WDFY4: variants seen among roughly 807,000 people sequenced by gnomAD.
WDFY4 encodes WD repeat- and FYVE domain-containing protein 4.
Under a neutral mutation model 351.9 loss-of-function variants are expected in WDFY4, and 169 were observed. The ratio of observed to expected loss-of-function variants is 0.48; its 90% CI spans 0.42 to 0.55. WDFY4 has a LOEUF of 0.55. Ranked by LOEUF, WDFY4 falls within the 20% of genes least tolerant of loss-of-function variation. The pLI, the probability that WDFY4 is intolerant of heterozygous loss-of-function variation, is 0.00. For missense variants in WDFY4, 3,803 were observed against 3,935.6 expected (o/e 0.97, Z 0.90); for synonymous variants, 1,622 against 1,574.6 (o/e 1.03, Z -0.71).
chr10:48,734,297 A>G (rs1292499130), intron 10 of WDFY4, among the ~76,000 whole-genome samples: 2 of 152,198 alleles, frequency 1.3e-5, no homozygotes, highest in East Asian at 3.8e-4. Context: ...CATTTTCTAA[A>G]TTTATGAGAA....
intron 47 of WDFY4, among the ~76,000 whole-genome samples, chr10:48,924,429 A>T (rs527684656): frequency 6.6e-6 from 1 of 152,250 alleles, no homozygotes; most frequent in East Asian, 1.9e-4. Context: ...AGTGGGATCA[A>T]CCCACACAAG....
In WDFY4 at chr10:48,946,847, G is replaced by A; in HGVS notation, c.7868-13G>A. 1 of 1,549,418 alleles carries A rather than the reference G, an allele frequency of 6.5e-7. No homozygotes were observed. The highest frequency in any genetic ancestry group is 8.7e-7 in the Non-Finnish European group (1 of 1,144,816). ...GTAAGGAAGCAGCCCTCAAGCATGT[G>A]TTTTTGTTGCAGGAGACATGACTGT... On this transcript the variant is annotated splice_polypyrimidine_tract_variant and intron_variant, in intron 50 of 61. Coordinates refer to ENST00000325239, the MANE Select transcript of WDFY4 (RefSeq NM_001394531.1).
intron 40 of WDFY4, among the ~76,000 whole-genome samples, chr10:48,873,265 A>G (rs1178041123): frequency 6.6e-6 from 1 of 152,224 alleles, no homozygotes; most frequent in Non-Finnish European, 1.5e-5. Context: ...AGGGCAGACA[A>G]CTTTCTCCTC....
At chr10:48,952,336 A>G (rs1455723209) in intron 51 of WDFY4, among the ~76,000 whole-genome samples, 1 of 152,202 alleles carries the variant, frequency 6.6e-6, no homozygotes, top group South Asian at 2.1e-4. Flanking sequence ...GTGGGGCTAG[A>G]CATAGAAACT....
In WDFY4 at chr10:48,941,316, A is replaced by G. The variant is rs531526986; in HGVS notation, c.7587-490A>G. Among the ~76,000 whole-genome samples the G allele has an allele frequency of 7.0e-4, 106 of 152,376 alleles. No homozygotes were observed. In the South Asian group the frequency reaches 0.022, roughly 31 times the overall value. On this transcript the variant is annotated intron_variant, in intron 47 of 61. Transcript: ENST00000325239. ...AAAAAAACTATGTAGGCATATAGGC[A>G]GGCATATGGGTAAAACATTTTCTGG...
intron 43 of WDFY4, among the ~76,000 whole-genome samples, chr10:48,877,810 G>A (rs1281923855): frequency 6.6e-6 from 1 of 152,224 alleles, no homozygotes; most frequent in East Asian, 1.9e-4. Context: ...CTGGAGCTGG[G>A]TTGGCGGAGC....
chr10:48,950,014 C>T (rs1039196381), intron 51 of WDFY4, among the ~76,000 whole-genome samples: 5 of 152,166 alleles, frequency 3.3e-5, no homozygotes, highest in Non-Finnish European at 7.4e-5. Flanking sequence ...GTTATTTAAA[C>T]TATTTTATAC....
At chr10:48,971,419 C>G (rs1842331021) in intron 57 of WDFY4, among the ~76,000 whole-genome samples, 1 of 151,898 alleles carries the variant, frequency 6.6e-6, no homozygotes, top group Non-Finnish European at 1.5e-5. Context: ...TGGCGTGAAC[C>G]CGGGAGGCGG....
chr10:48,698,348 GCT>G (rs2063387205), intron 1 of WDFY4, among the ~76,000 whole-genome samples: 1 of 152,200 alleles, frequency 6.6e-6, no homozygotes, highest in Non-Finnish European at 1.5e-5. Context: ...AGGGCTTGAA[GCT>G]TGTGGCTGTG....
At chr10:48,884,745 C>A (rs2070389659) in intron 43 of WDFY4, among the ~76,000 whole-genome samples, 1 of 152,134 alleles carries the variant, frequency 6.6e-6, no homozygotes, top group African/African-American at 2.4e-5. Context: ...CTTTGTAACT[C>A]CTAACTCCAG....
intron 13 of WDFY4, among the ~76,000 whole-genome samples, chr10:48,772,012 A>C (rs1258038603): frequency 6.6e-6 from 1 of 152,192 alleles, no homozygotes; most frequent in African/African-American, 2.4e-5. Flanking sequence ...TCTAGAACTC[A>C]TTTACATGGC....
intron 42 of WDFY4, among the ~76,000 whole-genome samples, chr10:48,875,407 C>T (rs1179116906): frequency 6.6e-6 from 1 of 152,174 alleles, no homozygotes; most frequent in Non-Finnish European, 1.5e-5. Flanking sequence ...TCAGGGAGAT[C>T]TTAAAAGTAT....
At chr10:48,904,518 G>T (rs577986406) in intron 47 of WDFY4, among the ~76,000 whole-genome samples, 3 of 152,096 alleles carry the variant, frequency 2.0e-5, no homozygotes, top group Non-Finnish European at 4.4e-5. Context: ...TGGCTGGACC[G>T]CTAGGCACAA....
At chr10:48,707,389 C>G (rs2063658899) in intron 1 of WDFY4, among the ~76,000 whole-genome samples, 1 of 152,166 alleles carries the variant, frequency 6.6e-6, no homozygotes, top group Non-Finnish European at 1.5e-5. Context: ...AGCAGTCATA[C>G]TCCCTTGATT....
chr10:48,690,209 A>G (rs1440588059), intron 1 of WDFY4, among the ~76,000 whole-genome samples: 1 of 152,226 alleles, frequency 6.6e-6, no homozygotes, highest in East Asian at 1.9e-4. Flanking sequence ...GCATCCAGTT[A>G]TTACAGAGTG....
chr10:48,912,300 C>T (rs1838077686), intron 47 of WDFY4, among the ~76,000 whole-genome samples: 1 of 152,200 alleles, frequency 6.6e-6, no homozygotes. Flanking sequence ...GTACGTTCTC[C>T]ATGTGCTGCC....
In WDFY4 at chr10:48,982,714, T is replaced by A. The variant is rs1299524815; in HGVS notation, c.*139T>A. ...GTTCTCAAGGAAGGGCCTCTGGCAA[T>A]CACAGCTCTGCAGCCCAACCCTCTC... On this transcript the variant is annotated 3_prime_UTR_variant, in exon 62 of 62. Transcript: ENST00000325239. 1 of 827,742 alleles carries A rather than the reference T, an allele frequency of 1.2e-6. No individual in the cohort carries two copies. The highest frequency in any genetic ancestry group is 3.0e-5 in the East Asian group (1 of 32,972). The allele number at this position is 827,742 out of a possible 1,614,324, so 51.3% of individuals were successfully genotyped here.
intron 44 of WDFY4, among the ~76,000 whole-genome samples, chr10:48,896,634 G>A (rs891293381): frequency 4.6e-5 from 7 of 152,104 alleles, no homozygotes; most frequent in Admixed American, 6.5e-5. Context: ...CCTTGCCAGC[G>A]GCCTCTTTGC....
intron 47 of WDFY4, 141 bp from the exon 48 acceptor site, chr10:48,941,665 T>G (rs996839048): frequency 1.2e-6 from 1 of 806,558 alleles, no homozygotes; most frequent in Non-Finnish European, 2.1e-6. Flanking sequence ...TGCTGTCCGC[T>G]GAGAGTTGCT....
Sources: allele counts gnomAD v4.1 joint callset (sites outside exome capture counted in the v4.1 genomes callset), GRCh38; gene constraint gnomAD v4.1.1; transcripts MANE v1.5; gene names NCBI Gene and HGNC (gene_info 2026-07-23, HGNC 2026-07-21).